SLC24A3: variants seen among roughly 807,000 people sequenced by gnomAD.
SLC24A3 encodes solute carrier family 24 member 3.
In SLC24A3, 28 loss-of-function variants were observed where a neutral mutation model predicts 75.8. The ratio of observed to expected loss-of-function variants is 0.37; its 90% confidence interval spans 0.27 to 0.51. The LOEUF (loss-of-function observed/expected upper bound fraction) is 0.51. Among genes scored for constraint, SLC24A3 ranks in the 20% least tolerant of loss-of-function variants. The pLI, the probability that SLC24A3 is intolerant of heterozygous loss-of-function variation, is 0.94. For synonymous variants in SLC24A3, 372 were observed against 334.1 expected (o/e 1.11, Z -1.24); for missense variants, 663 against 847.8 (o/e 0.78, Z 2.71).
intron 2 of SLC24A3, among the ~76,000 whole-genome samples, chr20:19,360,614 A>T (rs1408846573): frequency 1.3e-5 from 2 of 152,230 alleles, no homozygotes; most frequent in Non-Finnish European, 2.9e-5. Flanking sequence ...TTGGTATCTT[A>T]ACATGTGGAT....
intron 2 of SLC24A3, among the ~76,000 whole-genome samples, chr20:19,473,218 G>A (rs1177018870): frequency 3.3e-5 from 5 of 152,236 alleles, no homozygotes; most frequent in East Asian, 1.9e-4. Flanking sequence ...AGCAGAACAC[G>A]AAGCTTGTAT....
At chr20:19,674,243 A>G (rs1348269456) in intron 9 of SLC24A3, among the ~76,000 whole-genome samples, 2 of 152,242 alleles carry the variant, frequency 1.3e-5, no homozygotes, top group Admixed American at 1.3e-4. Context: ...GGTATTAGTC[A>G]TCCACTGCTG....
At chr20:19,351,903 A>G (rs1476402991) in intron 2 of SLC24A3, among the ~76,000 whole-genome samples, 1 of 152,136 alleles carries the variant, frequency 6.6e-6, no homozygotes, top group Non-Finnish European at 1.5e-5. Context: ...CCATTAATGC[A>G]TTGTGAAGGA....
At chr20:19,242,540 G>A (rs1363441543) in intron 1 of SLC24A3, 2 of 152,136 alleles carry the variant, frequency 1.3e-5, no homozygotes, top group East Asian at 1.9e-4. Flanking sequence ...GGCAGTTGTC[G>A]GTCGTCTCTA....
intron 2 of SLC24A3, among the ~76,000 whole-genome samples, chr20:19,497,260 G>A (rs569702379): frequency 4.6e-4 from 70 of 152,282 alleles, no homozygotes; most frequent in African/African-American, 1.7e-3. Flanking sequence ...ACTCAAATAA[G>A]GCAAGAACTC....
intron 8 of SLC24A3, among the ~76,000 whole-genome samples, chr20:19,669,267 T>G (rs910579553): frequency 1.3e-5 from 2 of 152,126 alleles, no homozygotes; most frequent in Non-Finnish European, 2.9e-5. Flanking sequence ...TTTGGGAGGC[T>G]GAGGCAGGTG....
At chr20:19,437,015 G>T (rs958737494) in intron 2 of SLC24A3, among the ~76,000 whole-genome samples, 1 of 152,226 alleles carries the variant, frequency 6.6e-6, no homozygotes, top group African/African-American at 2.4e-5. Context: ...ATAAATGAGT[G>T]AACAGAATAA....
chr20:19,687,705 G>A (rs2032694284), intron 12 of SLC24A3, among the ~76,000 whole-genome samples: 1 of 152,192 alleles, frequency 6.6e-6, no homozygotes, highest in African/African-American at 2.4e-5. Flanking sequence ...ATGAGACCAA[G>A]TCTGGCCCAG....
intron 2 of SLC24A3, among the ~76,000 whole-genome samples, chr20:19,498,773 G>A (rs1204871374): frequency 1.3e-5 from 2 of 152,126 alleles, no homozygotes; most frequent in African/African-American, 4.8e-5. Flanking sequence ...AAGAGATAGG[G>A]TCCACTTCAC....
At chr20:19,596,908 C>A (rs1377877673) in intron 6 of SLC24A3, among the ~76,000 whole-genome samples, 1 of 152,172 alleles carries the variant, frequency 6.6e-6, no homozygotes, top group African/African-American at 2.4e-5. Context: ...TCTCACACCC[C>A]CTTTCCCCGC....
intron 1 of SLC24A3, among the ~76,000 whole-genome samples, chr20:19,216,471 G>A (rs1414613514): frequency 6.6e-6 from 1 of 152,050 alleles, no homozygotes; most frequent in African/African-American, 2.4e-5. Context: ...TTAGCTGGGT[G>A]TGGTGGTGCA....
chr20:19,455,406 T>C (rs1442013028), intron 2 of SLC24A3, among the ~76,000 whole-genome samples: 2 of 152,188 alleles, frequency 1.3e-5, no homozygotes, highest in Non-Finnish European at 2.9e-5. Context: ...GCCCTTCCCA[T>C]GTTGCCTCAG....
At chr20:19,380,545 G>A (rs7509232) in intron 2 of SLC24A3, among the ~76,000 whole-genome samples, 42,042 of 152,126 alleles carry the variant, frequency 0.28, 6,794 homozygotes, top group Middle Eastern at 0.51. Context: ...TTCAACCTCC[G>A]ATGATGGCTT....
intron 15 of SLC24A3, among the ~76,000 whole-genome samples, chr20:19,704,532 A>G (rs1232929068): frequency 2.0e-5 from 3 of 152,238 alleles, no homozygotes; most frequent in African/African-American, 7.2e-5. Flanking sequence ...AAGGATAGAC[A>G]GTACATACGT....
At chr20:19,598,539 T>C (rs1284783924) in intron 6 of SLC24A3, among the ~76,000 whole-genome samples, 3 of 152,110 alleles carry the variant, frequency 2.0e-5, no homozygotes, top group Admixed American at 6.5e-5. Flanking sequence ...TGAGTGCCAT[T>C]GCCTGGGAGA....
intron 1 of SLC24A3, among the ~76,000 whole-genome samples, chr20:19,223,856 G>T (rs1051418512): frequency 6.6e-6 from 1 of 152,138 alleles, no homozygotes; most frequent in African/African-American, 2.4e-5. Context: ...TCTGATAACC[G>T]AGCTGGCTAC....
At chr20:19,387,413 G>A (rs1986290137) in intron 2 of SLC24A3, among the ~76,000 whole-genome samples, 1 of 151,836 alleles carries the variant, frequency 6.6e-6, no homozygotes, top group African/African-American at 2.4e-5. Flanking sequence ...GATGTGTAAA[G>A]TTAGTCTATT....
chr20:19,598,034 T>C (rs1314176536), intron 6 of SLC24A3, among the ~76,000 whole-genome samples: 1 of 152,214 alleles, frequency 6.6e-6, no homozygotes, highest in African/African-American at 2.4e-5. Context: ...CAAACGACAG[T>C]GCAGCGTATC....
chr20:19,362,913 A>T (rs369105928), intron 2 of SLC24A3, among the ~76,000 whole-genome samples: 2 of 152,218 alleles, frequency 1.3e-5, no homozygotes, highest in South Asian at 4.1e-4. Flanking sequence ...TGATTGAACA[A>T]TGAAAATGTA....
Sources: gnomAD v4.1 joint callset for allele counts (sites outside exome capture counted in the v4.1 genomes callset) on GRCh38, gnomAD v4.1.1 for gene constraint, MANE v1.5 for transcripts, NCBI Gene and HGNC (gene_info 2026-07-23, HGNC 2026-07-21) for gene names.